Variants in TRAM2 observed in about 807,000 individuals in gnomAD.
TRAM2 encodes the protein translocation associated membrane protein 2.
Under a neutral mutation model 51.0 loss-of-function variants are expected in TRAM2, and 12 were observed. The observed-to-expected ratio is 0.24, with a 90% CI of 0.15 to 0.38. The LOEUF (loss-of-function observed/expected upper bound fraction) is 0.38. TRAM2 is among the 10% of genes least tolerant of loss of function. TRAM2 has a pLI of 1.00. For synonymous variants in TRAM2, 175 were observed against 179.4 expected (o/e 0.98, Z 0.20); for missense variants, 361 against 462.0 (o/e 0.78, Z 2.00).
chr6:52,549,760 A>G (rs1767276551), intron 1 of TRAM2, among the ~76,000 whole-genome samples: 1 of 152,218 alleles, frequency 6.6e-6, no homozygotes, highest in South Asian at 2.1e-4. Flanking sequence ...TGAACCAGCC[A>G]AAAGATGGAA....
chr6:52,503,725 A>C (rs1019484287), intron 10 of TRAM2, among the ~76,000 whole-genome samples: 1 of 152,060 alleles, frequency 6.6e-6, no homozygotes, highest in Non-Finnish European at 1.5e-5. Flanking sequence ...CACAGAAGGG[A>C]GGGGGACAAG....
Position 52,550,262 on chromosome 6 carries a change from C to T in TRAM2, c.121-14416G>A, listed in dbSNP as rs73429509. Among the ~76,000 whole-genome samples the T allele has an allele frequency of 7.2e-3, 1,103 of 152,270 alleles. 13 individuals carry two copies. The highest frequency in any genetic ancestry group is 0.025 in the African/African-American group (1,023 of 41,536). Reference sequence around the variant, plus strand: ...GCTCTCAATGGTATTTCCTCTCTCCCTTCCTTCTTAGTTCTAGATCCATGC... The same window carrying T: ...GCTCTCAATGGTATTTCCTCTCTCCTTTCCTTCTTAGTTCTAGATCCATGC... On this transcript the variant is annotated intron_variant, in intron 1 of 10. Coordinates refer to ENST00000182527, the MANE Select transcript of TRAM2 (RefSeq NM_012288.4).
chr6:52,534,557 C>A (rs147932376), intron 2 of TRAM2, among the ~76,000 whole-genome samples: 1 of 152,106 alleles, frequency 6.6e-6, no homozygotes, highest in Admixed American at 6.5e-5. Context: ...GACCTGTGCC[C>A]GAGGGCTGGA....
chr6:52,500,846 A>G lies in TRAM2; in HGVS notation c.*2351T>C, dbSNP rs1000612234. ...CCTGGCACATCCCAGCATGCCATAC[A>G]TATCTGTTGAAGCCACAACTCAACA... On this transcript the variant is annotated 3_prime_UTR_variant, in exon 11 of 11. Coordinates refer to ENST00000182527, the MANE Select transcript of TRAM2 (RefSeq NM_012288.4). 3.0e-4 allele frequency: 45 copies of G among 152,272 alleles called. No individual in the cohort carries two copies. Among genetic ancestry groups the G allele is most frequent in the African/African-American group, 1.1e-3 (44 of 41,444 alleles). The allele number at this position is 152,272 out of a possible 1,614,324, so 9.4% of individuals were successfully genotyped here.
chr6:52,520,773 C>T (rs557643867), intron 2 of TRAM2, among the ~76,000 whole-genome samples: 1 of 152,310 alleles, frequency 6.6e-6, no homozygotes, highest in East Asian at 1.9e-4. Flanking sequence ...CATCACAGCT[C>T]CATTTCTGGT....
chr6:52,519,125 T>C (rs1032307104), intron 2 of TRAM2, among the ~76,000 whole-genome samples: 1 of 152,194 alleles, frequency 6.6e-6, no homozygotes, highest in East Asian at 1.9e-4. Flanking sequence ...TGCATCCTCA[T>C]TGGCTGACGA....
chr6:52,515,746 G>A (rs1045428228), intron 4 of TRAM2: 11 of 430,424 alleles, frequency 2.6e-5, no homozygotes, highest in African/African-American at 2.2e-4. Context: ...CTGCAGTATT[G>A]CATAATGATT....
intron 9 of TRAM2, among the ~76,000 whole-genome samples, chr6:52,505,148 T>C (rs907566059): frequency 6.6e-6 from 1 of 152,212 alleles, no homozygotes; most frequent in Non-Finnish European, 1.5e-5. Context: ...TGGCTTCTCA[T>C]TTAACATGTC....
At chr6:52,538,896 T>C (rs1344319839) in intron 1 of TRAM2, among the ~76,000 whole-genome samples, 5 of 152,226 alleles carry the variant, frequency 3.3e-5, no homozygotes, top group African/African-American at 4.8e-5. Flanking sequence ...ACCTTGTTCC[T>C]GGGAGAAATA....
intron 1 of TRAM2, among the ~76,000 whole-genome samples, chr6:52,548,460 C>CA (rs1767249259): frequency 6.6e-6 from 1 of 152,218 alleles, no homozygotes; most frequent in South Asian, 2.1e-4. Flanking sequence ...ATCTAACCTC[C>CA]AACTCTATAA....
chr6:52,506,989 A>G (rs1028155304), intron 7 of TRAM2, among the ~76,000 whole-genome samples: 1 of 152,228 alleles, frequency 6.6e-6, no homozygotes, highest in Non-Finnish European at 1.5e-5. Flanking sequence ...CAAAAGCCCA[A>G]ATTATCAATG....
At chr6:52,533,971 A>C (rs1315000711) in intron 2 of TRAM2, among the ~76,000 whole-genome samples, 1 of 151,896 alleles carries the variant, frequency 6.6e-6, no homozygotes, top group Non-Finnish European at 1.5e-5. Context: ...CACATCTGTA[A>C]TTACTTGGGA....
At chr6:52,535,993 T>C (rs904528641) in intron 1 of TRAM2, 147 bp from the exon 2 acceptor site, 16 of 635,292 alleles carry the variant, frequency 2.5e-5, no homozygotes, top group East Asian at 8.4e-5. Flanking sequence ...GCATTAGTTT[T>C]TGTTCTATTT....
At chr6:52,538,230 C>A (rs1767008163) in intron 1 of TRAM2, among the ~76,000 whole-genome samples, 1 of 152,246 alleles carries the variant, frequency 6.6e-6, no homozygotes, top group South Asian at 2.1e-4. Context: ...ATATCTCCCA[C>A]TTGATTTCAT....
intron 1 of TRAM2, among the ~76,000 whole-genome samples, chr6:52,563,910 A>AG (rs1407005534): frequency 6.6e-6 from 1 of 151,350 alleles, no homozygotes; most frequent in African/African-American, 2.4e-5. Context: ...CAAAAAAAAA[A>AG]AATTTAAGCT....
intron 9 of TRAM2, 85 bp downstream of exon 9, chr6:52,505,514 T>A: frequency 6.7e-7 from 1 of 1,494,018 alleles, no homozygotes; most frequent in Non-Finnish European, 9.0e-7. Flanking sequence ...GACTAAAGGG[T>A]CTGCTGCCTC....
chr6:52,537,693 C>T (rs760679325), intron 1 of TRAM2, among the ~76,000 whole-genome samples: 5 of 149,466 alleles, frequency 3.3e-5, no homozygotes, highest in Non-Finnish European at 7.4e-5. Flanking sequence ...TCTCATCAGA[C>T]TCCTCACAGT....
At chr6:52,564,087 C>T (rs1316531443) in intron 1 of TRAM2, among the ~76,000 whole-genome samples, 1 of 152,100 alleles carries the variant, frequency 6.6e-6, no homozygotes, top group Admixed American at 6.5e-5. Flanking sequence ...GCAACTCACA[C>T]ACACACCATC....
intron 7 of TRAM2, 66 bp downstream of exon 7, chr6:52,507,487 G>T (rs1330181344): frequency 2.0e-6 from 3 of 1,502,366 alleles, no homozygotes; most frequent in Non-Finnish European, 2.8e-6. Context: ...AATTATATGA[G>T]TGTGTGGACA....
Sources: allele counts gnomAD v4.1 joint callset (sites outside exome capture counted in the v4.1 genomes callset), GRCh38; gene constraint gnomAD v4.1.1; transcripts MANE v1.5; gene names NCBI Gene and HGNC (gene_info 2026-07-23, HGNC 2026-07-21).